The following DNAH7 variants were observed in gnomAD, a reference collection of about 807,000 sequenced individuals.
DNAH7 encodes dynein axonemal heavy chain 7.
DNAH7 carries 397 observed loss-of-function variants against 444.6 expected under a neutral mutation model. That is an observed-to-expected ratio of 0.89 (90% CI 0.82 to 0.97). DNAH7 has a LOEUF of 0.97. DNAH7 is among the 50% of genes least tolerant of loss of function. DNAH7 has a pLI of 0.00. For missense variants in DNAH7, 4,902 were observed against 4,800.8 expected (o/e 1.02, Z -0.62); for synonymous variants, 1,636 against 1,624.4 (o/e 1.01, Z -0.17).
At chr2:195,958,157 C>A (rs779092396) in intron 18 of DNAH7, among the ~76,000 whole-genome samples, 39 of 151,954 alleles carry the variant, frequency 2.6e-4, no homozygotes, top group Non-Finnish European at 4.1e-4. Flanking sequence ...ACTCTCCTGT[C>A]TCCCCTAACA....
chr2:195,754,403 T>G lies in DNAH7; in HGVS notation c.11698A>C (p.Ile3900Leu), dbSNP rs536087724. ...QNYARKYTIP[I>L]DLLGFDYEVM... The stretch of plus-strand genomic sequence containing the variant: ...TCATAGTCAAACCCAAGAAGATCAA[T>G]AGGAATTGTGTATTTCCTGGCGTAG... The change falls in exon 63 of 65, where the codon ATT (isoleucine) becomes CTT (leucine). Residue 3900 changes from isoleucine (I) to leucine (L), a missense_variant. Ile to Leu is a conservative substitution (Grantham distance 5, BLOSUM62 2). Coordinates refer to ENST00000312428, the MANE Select transcript of DNAH7 (RefSeq NM_018897.3). The G allele has an allele frequency of 1.2e-6, 2 of 1,614,018 alleles. No homozygotes were observed.
chr2:195,962,427 G>A (rs891024884), intron 17 of DNAH7, among the ~76,000 whole-genome samples: 7 of 152,108 alleles, frequency 4.6e-5, no homozygotes, highest in African/African-American at 9.7e-5. Context: ...CTCGGCTCAC[G>A]CAGCCTCGAC....
intron 54 of DNAH7, among the ~76,000 whole-genome samples, chr2:195,804,847 T>TATCTATCC (rs147463998): frequency 9.9e-5 from 15 of 152,208 alleles, no homozygotes; most frequent in African/African-American, 3.4e-4. Flanking sequence ...TCTATCTATC[T>TATCTATCC]ATCCAAGTAA....
chr2:195,936,111 C>T (rs559590902), intron 20 of DNAH7, among the ~76,000 whole-genome samples: 68 of 152,268 alleles, frequency 4.5e-4, no homozygotes, highest in African/African-American at 1.5e-3. Flanking sequence ...CGGTGGCTCA[C>T]GCCTGTAATC....
intron 63 of DNAH7, among the ~76,000 whole-genome samples, chr2:195,743,067 A>G (rs556045561): frequency 6.6e-6 from 1 of 152,306 alleles, no homozygotes; most frequent in African/African-American, 2.4e-5. Flanking sequence ...CAGACTTGCT[A>G]AGCCTTCTGG....
At chr2:195,808,637 T>C (rs777872286) in intron 53 of DNAH7, 45 bp downstream of exon 53, 3 of 1,593,020 alleles carry the variant, frequency 1.9e-6, no homozygotes, top group African/African-American at 2.7e-5. Context: ...AACATTCTTT[T>C]CTCCATTTAA....
rs1377443495 is a variant in DNAH7, at chr2:195,737,936, A to G, written c.12060T>C (p.Cys4020=). 6.2e-7 allele frequency: 1 copy of G among 1,613,946 alleles called. No individual in the cohort carries two copies. The highest frequency in any genetic ancestry group is 1.3e-5 in the African/African-American group (1 of 75,042). Residue 4020 remains cysteine, a synonymous_variant, in exon 65 of 65, where the codon TGT becomes TGC. Coordinates refer to ENST00000312428, the MANE Select transcript of DNAH7 (RefSeq NM_018897.3). ...TGTCTTCTGGTTATGAATTAAGTTG[A>G]CATAACAGTGCTACACCTCGTCCAA... ...HWIGRGVALL[C]QLNS is the part of the protein sequence containing the mutation.
Position 195,873,658 on chromosome 2 carries a change from C to A in DNAH7, c.6323G>T (p.Arg2108Leu). 6.5e-7 allele frequency: 1 copy of A among 1,531,466 alleles called. No individual in the cohort carries two copies. The allele number at this position is 1,531,466 out of a possible 1,614,324, so 94.9% of individuals were successfully genotyped here. ...ATTGATTGTTATAATATTGAAATGT[C>A]GCATGTATCGAGGAGTTACTGGATT... ...GRNPVTPRYMRHFNIITINEF... is the reference protein window; with the variant it reads ...GRNPVTPRYMLHFNIITINEF... The change falls in exon 39 of 65, where the codon CGA becomes CTA. Residue 2108 changes from arginine (R) to leucine (L), a missense_variant. Transcript: ENST00000312428.
At chr2:196,057,019 C>T (rs1207799144) in intron 2 of DNAH7, among the ~76,000 whole-genome samples, 1 of 152,200 alleles carries the variant, frequency 6.6e-6, no homozygotes, top group African/African-American at 2.4e-5. Flanking sequence ...GTTTCAACTA[C>T]AGGGTTCACC....
chr2:196,028,929 C>T (rs1265221114), intron 5 of DNAH7, among the ~76,000 whole-genome samples: 1 of 152,152 alleles, frequency 6.6e-6, no homozygotes, highest in African/African-American at 2.4e-5. Context: ...TCCAGGAATG[C>T]AGTGTTTTGT....
At chr2:195,806,698 A>T in intron 54 of DNAH7, 42 bp downstream of exon 54, 5 of 1,558,092 alleles carry the variant, frequency 3.2e-6, no homozygotes. Flanking sequence ...AGCAGGCATA[A>T]GGCTTTGGAA....
chr2:195,946,368 G>A (rs1689805268), intron 19 of DNAH7, among the ~76,000 whole-genome samples: 1 of 152,094 alleles, frequency 6.6e-6, no homozygotes, highest in Non-Finnish European at 1.5e-5. Flanking sequence ...AACATCAGAA[G>A]GTCAGTTTGA....
chr2:196,021,749 G>A (rs1422719691), intron 8 of DNAH7, among the ~76,000 whole-genome samples: 1 of 152,106 alleles, frequency 6.6e-6, no homozygotes, highest in East Asian at 1.9e-4. Context: ...TTGGGTCTGG[G>A]AGGTTAAGGC....
In DNAH7 at chr2:195,891,795, C is replaced by T. The variant is rs866583990; in HGVS notation, c.4906G>A (p.Glu1636Lys). The stretch of plus-strand genomic sequence containing the variant: ...ACAGTTATTTGAACTTTGTTTTCTT[C>T]CATTAGCCCCTTAATGAAAAAAAAA... Reference protein sequence around the residue: ...LNDICEKGLMEENKVQITVLN... With the variant: ...LNDICEKGLMKENKVQITVLN... The change falls in exon 31 of 65, where the codon GAA (glutamate) becomes AAA (lysine). Residue 1636 changes from glutamate to lysine, a missense_variant. By Grantham distance (56) the Glu-to-Lys change is moderately conservative (BLOSUM62 1). Coordinates refer to ENST00000312428, the MANE Select transcript of DNAH7 (RefSeq NM_018897.3). 1.9e-6 allele frequency: 3 copies of T among 1,545,398 alleles called. No homozygotes were observed. Among genetic ancestry groups the T allele is most frequent in the African/African-American group, 3.1e-5 (2 of 64,718 alleles).
intron 48 of DNAH7, among the ~76,000 whole-genome samples, chr2:195,833,378 C>T (rs901535985): frequency 6.6e-6 from 1 of 152,174 alleles, no homozygotes; most frequent in African/African-American, 2.4e-5. Context: ...TGAAGACTAA[C>T]TCCCTCTTAA....
intron 30 of DNAH7, among the ~76,000 whole-genome samples, chr2:195,892,076 T>C (rs1031209225): frequency 6.1e-5 from 9 of 148,188 alleles, no homozygotes; most frequent in Non-Finnish European, 1.0e-4. Context: ...TAGCAAATGT[T>C]GTGCAAGATC....
intron 12 of DNAH7, chr2:195,999,326 G>A (rs1358161789): frequency 1.7e-5 from 11 of 662,036 alleles, no homozygotes; most frequent in African/African-American, 5.4e-5. Context: ...GTGAATATTC[G>A]CACAACCAGT....
chr2:195,834,790 A>C (rs1296619733), intron 47 of DNAH7, among the ~76,000 whole-genome samples: 1 of 152,202 alleles, frequency 6.6e-6, no homozygotes. Context: ...ACCTGCTGTC[A>C]TTTGTATAAT....
chr2:195,881,455 T>C (rs1274447026), intron 36 of DNAH7, among the ~76,000 whole-genome samples: 1 of 152,192 alleles, frequency 6.6e-6, no homozygotes, highest in Non-Finnish European at 1.5e-5. Flanking sequence ...TAAAATAACT[T>C]AGAAAATATC....
Sources: gnomAD v4.1 joint callset for allele counts (sites outside exome capture counted in the v4.1 genomes callset) on GRCh38, gnomAD v4.1.1 for gene constraint, MANE v1.5 for transcripts, NCBI Gene and HGNC (gene_info 2026-07-23, HGNC 2026-07-21) for gene names.